ABCA13: variants seen among roughly 807,000 people sequenced by gnomAD.
ABCA13 encodes ATP-binding cassette sub-family A member 13.
In ABCA13, 476 loss-of-function variants were observed where a neutral mutation model predicts 478.7. That is an observed-to-expected ratio of 0.99 (90% confidence interval 0.92 to 1.07). ABCA13 has a LOEUF of 1.07. Ranked by LOEUF, ABCA13 falls within the 50% of genes least tolerant of loss-of-function variation. The probability of loss-of-function intolerance (pLI) is 0.00; values close to 1 mark genes in which losing one functional copy is unlikely to be tolerated. For synonymous variants in ABCA13, 2,252 were observed against 2,158.9 expected, an observed-to-expected ratio of 1.04 and a Z score of -1.20; for missense variants, 6,060 against 5,910.6, an observed-to-expected ratio of 1.03 and a Z score of -0.83.
chr7:48,331,153 G>C (rs1225912906), intron 27 of ABCA13, among the ~76,000 whole-genome samples: 1 of 152,174 alleles, frequency 6.6e-6, no homozygotes, highest in East Asian at 1.9e-4. Flanking sequence ...CTTGTGCTAT[G>C]ACCTAGTCAC....
chr7:48,550,993 T>A (rs1785267833), intron 55 of ABCA13, among the ~76,000 whole-genome samples: 1 of 151,864 alleles, frequency 6.6e-6, no homozygotes, highest in South Asian at 2.1e-4. Context: ...CTCTCTTGAC[T>A]TATTTATGAA....
chr7:48,452,797 G>A (rs1374329514), intron 42 of ABCA13, among the ~76,000 whole-genome samples: 1 of 152,186 alleles, frequency 6.6e-6, no homozygotes, highest in African/African-American at 2.4e-5. Flanking sequence ...CTTGGTCAAA[G>A]GGCTGTGAAG....
chr7:48,623,557 C>A (rs916930652), intron 59 of ABCA13, among the ~76,000 whole-genome samples: 17 of 152,162 alleles, frequency 1.1e-4, no homozygotes, highest in Middle Eastern at 3.2e-3. Flanking sequence ...CCAGAGGTAA[C>A]TGGTTATTGG....
chr7:48,492,063 T>G (rs1305957994), intron 48 of ABCA13, among the ~76,000 whole-genome samples: 1 of 152,186 alleles, frequency 6.6e-6, no homozygotes, highest in African/African-American at 2.4e-5. Flanking sequence ...ATTCTAATAT[T>G]AGAGATTTCT....
At chr7:48,630,687 A>G (rs890843943) in intron 59 of ABCA13, among the ~76,000 whole-genome samples, 8 of 152,172 alleles carry the variant, frequency 5.3e-5, no homozygotes, top group Non-Finnish European at 1.0e-4. Flanking sequence ...TGGGATTACT[A>G]GGTTGAATGG....
intron 43 of ABCA13, among the ~76,000 whole-genome samples, chr7:48,464,434 A>C (rs780675032): frequency 5.9e-5 from 9 of 152,304 alleles, no homozygotes; most frequent in Middle Eastern, 3.4e-3. Flanking sequence ...AACCATACGA[A>C]TATTTTAAAA....
At chr7:48,203,243 C>G (rs1356375476) in intron 3 of ABCA13, among the ~76,000 whole-genome samples, 6 of 152,150 alleles carry the variant, frequency 3.9e-5, no homozygotes, top group Admixed American at 2.0e-4. Context: ...CGCACCGGAA[C>G]TCCAGCTGGC....
At chr7:48,253,189 C>G (rs1792837713) in intron 15 of ABCA13, among the ~76,000 whole-genome samples, 1 of 152,162 alleles carries the variant, frequency 6.6e-6, no homozygotes, top group Non-Finnish European at 1.5e-5. Context: ...CTGCAGACTC[C>G]CTGCAGCTCT....
intron 2 of ABCA13, among the ~76,000 whole-genome samples, chr7:48,195,678 C>T (rs1350561564): frequency 6.6e-6 from 1 of 152,096 alleles, no homozygotes. Context: ...TTTGGAATCA[C>T]ATAGATGAGG....
chr7:48,608,968 T>G (rs992314142), intron 58 of ABCA13, among the ~76,000 whole-genome samples: 1 of 152,210 alleles, frequency 6.6e-6, no homozygotes, highest in African/African-American at 2.4e-5. Flanking sequence ...TGTTGTTGTT[T>G]TTCTTGTATT....
chr7:48,538,765 A>G (rs992916316), intron 55 of ABCA13, among the ~76,000 whole-genome samples: 13 of 152,068 alleles, frequency 8.5e-5, no homozygotes, highest in African/African-American at 2.9e-4. Context: ...TTTTGAATTC[A>G]TTACGCAAGA....
chr7:48,510,402 T>TG (rs1831569141), intron 50 of ABCA13, among the ~76,000 whole-genome samples: 1 of 152,154 alleles, frequency 6.6e-6, no homozygotes, highest in Admixed American at 6.5e-5. Context: ...TGGCTATTGT[T>TG]GGCCTGCAGG....
At chr7:48,408,964 A>G (rs970907800) in intron 39 of ABCA13, among the ~76,000 whole-genome samples, 2 of 152,242 alleles carry the variant, frequency 1.3e-5, no homozygotes, top group Non-Finnish European at 2.9e-5. Context: ...CTGTTCCTGC[A>G]TTAGTTTGCT....
chr7:48,411,743 T>C (rs1162982047), intron 40 of ABCA13, among the ~76,000 whole-genome samples: 2 of 152,180 alleles, frequency 1.3e-5, no homozygotes, highest in African/African-American at 4.8e-5. Context: ...GTAGTCATCA[T>C]TGCCTGTGTC....
chr7:48,268,850 CTTTTTTTT>C (rs57201740), intron 15 of ABCA13, 122 bp from the exon 16 acceptor site: 3 of 245,570 alleles, frequency 1.2e-5, no homozygotes, highest in East Asian at 2.0e-4. Context: ...TCCTACTCAT[CTTTTTTTT>C]TTTTTTTTTT....
At chr7:48,531,486 G>T (rs1261390490) in intron 55 of ABCA13, among the ~76,000 whole-genome samples, 3 of 151,914 alleles carry the variant, frequency 2.0e-5, no homozygotes, top group Non-Finnish European at 4.4e-5. Flanking sequence ...CTTCTTTTTG[G>T]TTCCATATGA....
intron 41 of ABCA13, among the ~76,000 whole-genome samples, chr7:48,415,826 A>T (rs1329497540): frequency 1.3e-5 from 2 of 152,236 alleles, no homozygotes; most frequent in Non-Finnish European, 2.9e-5. Context: ...TATATGACCA[A>T]TCAATAATAT....
At chr7:48,591,450 A>C (rs1351426722) in intron 57 of ABCA13, among the ~76,000 whole-genome samples, 1 of 151,790 alleles carries the variant, frequency 6.6e-6, no homozygotes, top group South Asian at 2.1e-4. Flanking sequence ...TTCTTTAGCT[A>C]TTTGTGGTCT....
intron 3 of ABCA13, among the ~76,000 whole-genome samples, chr7:48,205,906 A>G (rs903329408): frequency 1.3e-5 from 2 of 152,212 alleles, no homozygotes; most frequent in Non-Finnish European, 2.9e-5. Context: ...ATAACATTTA[A>G]GAGTACATTT....
Sources: gnomAD v4.1 joint callset for allele counts (sites outside exome capture counted in the v4.1 genomes callset) on GRCh38, gnomAD v4.1.1 for gene constraint, MANE v1.5 for transcripts, NCBI Gene and HGNC (gene_info 2026-07-23, HGNC 2026-07-21) for gene names.